TLL1: variants seen among roughly 807,000 people sequenced by gnomAD.
TLL1 encodes tolloid like 1.
In TLL1, 49 loss-of-function variants were observed where a neutral mutation model predicts 128.2. The observed-to-expected ratio is 0.38, with a 90% CI of 0.30 to 0.48. TLL1 has a LOEUF of 0.48. Among genes scored for constraint, TLL1 ranks in the 20% least tolerant of loss-of-function variants. The pLI is 0.96. For missense variants in TLL1, 1,123 were observed against 1,242.0 expected (o/e 0.90, Z 1.44); for synonymous variants, 454 against 418.8 (o/e 1.08, Z -1.03).
intron 18 of TLL1, among the ~76,000 whole-genome samples, chr4:166,079,330 CATATT>C (rs1741182799): frequency 6.6e-6 from 1 of 152,206 alleles, no homozygotes; most frequent in East Asian, 1.9e-4. Flanking sequence ...TTTTGGGTAT[CATATT>C]CTTTCTGAAG....
chr4:166,022,898 G>C (rs897778116), intron 8 of TLL1, among the ~76,000 whole-genome samples: 15 of 152,094 alleles, frequency 9.9e-5, no homozygotes, highest in Non-Finnish European at 1.8e-4. Context: ...ACATTGGTAT[G>C]CTTCTTTATA....
rs1238093979 is a variant in TLL1, at chr4:166,103,933, GACTTA to G, written c.*3064_*3068del. ...AACTGTATTTTATTAAGGAGATCGT[GACTTA>G]ACTTAAATGGACAAAATAACTTTTT... is the stretch of plus-strand genomic sequence containing the variant. On this transcript the variant is annotated 3_prime_UTR_variant, in exon 21 of 21. Coordinates refer to ENST00000061240, the MANE Select transcript of TLL1 (RefSeq NM_012464.5). The G allele has an allele frequency of 3.3e-5, 5 of 151,510 alleles. No homozygotes were observed. The highest frequency in any genetic ancestry group is 4.2e-4 in the South Asian group (2 of 4,818). 9.4% of individuals were successfully genotyped at this position (151,510 alleles called of 1,614,324 possible). A position where few individuals can be genotyped will look rare whatever the true frequency, so the allele number is the denominator to read the frequency against.
rs1181718258 is a variant in TLL1 at position 166,060,071 on chromosome 4, C to T, written c.1890C>T (p.Thr630=). 6 of 1,613,718 alleles carry T rather than the reference C, an allele frequency of 3.7e-6. No homozygotes were observed. Among genetic ancestry groups the T allele is most frequent in the Non-Finnish European group, 5.1e-6 (6 of 1,179,874 alleles). Residue 630 remains threonine, a synonymous_variant, in exon 15 of 21, where the codon ACC becomes ACT. Coordinates refer to ENST00000061240, the MANE Select transcript of TLL1 (RefSeq NM_012464.5). ...GLLTKLNGTI[T]TPGWPKEYPP... is the part of the protein sequence containing the mutation. ...TTACCAAACTTAACGGCACCATAAC[C>T]ACCCCTGGCTGGCCCAAGGAGTACC...
At chr4:165,958,803 T>C (rs1278677101) in intron 1 of TLL1, among the ~76,000 whole-genome samples, 27 of 148,722 alleles carry the variant, frequency 1.8e-4, no homozygotes, top group African/African-American at 6.5e-4. Flanking sequence ...ATGTCCTGAA[T>C]GGTAATGCCT....
intron 16 of TLL1, among the ~76,000 whole-genome samples, chr4:166,071,047 C>A (rs1319936482): frequency 6.6e-6 from 1 of 151,754 alleles, no homozygotes; most frequent in Non-Finnish European, 1.5e-5. Flanking sequence ...CGATTATTTA[C>A]TGGATAGTTT....
chr4:166,073,072 A>C (rs536562369), intron 16 of TLL1, among the ~76,000 whole-genome samples: 13 of 152,292 alleles, frequency 8.5e-5, no homozygotes, highest in African/African-American at 3.1e-4. Flanking sequence ...TGTCTATTTC[A>C]GAATAATTCT....
rs73860889 is a variant in TLL1 at position 165,927,554 on chromosome 4, G to C, written c.169+53481G>C. ...TTCTATGCTTAATATGAGAGTATTG[G>C]TTTGAAGCCAGTGTGCCATACATGC... On this transcript the variant is annotated intron_variant, in intron 1 of 20. Transcript: ENST00000061240. 2.8e-3 allele frequency among the ~76,000 whole-genome samples: 427 copies of C among 152,280 alleles called. 4 individuals carry two copies. Among genetic ancestry groups the C allele is most frequent in the African/African-American group, 9.6e-3 (399 of 41,560 alleles).
intron 9 of TLL1, among the ~76,000 whole-genome samples, chr4:166,029,420 G>T (rs1738652234): frequency 6.6e-6 from 1 of 151,726 alleles, no homozygotes; most frequent in Admixed American, 6.6e-5. Flanking sequence ...AGACACTATT[G>T]TCTTTTGCAC....
intron 1 of TLL1, among the ~76,000 whole-genome samples, chr4:165,957,194 G>C (rs899539618): frequency 2.6e-5 from 4 of 152,024 alleles, no homozygotes; most frequent in African/African-American, 9.7e-5. Flanking sequence ...AAAAGAGCAG[G>C]GGTTGTTGTT....
intron 17 of TLL1, among the ~76,000 whole-genome samples, chr4:166,076,224 C>A (rs1224245425): frequency 6.6e-6 from 1 of 152,192 alleles, no homozygotes; most frequent in African/African-American, 2.4e-5. Context: ...AGGTGCACAC[C>A]ACCATGCCTG....
intron 1 of TLL1, among the ~76,000 whole-genome samples, chr4:165,959,897 C>CTCAAATTAATGA (rs1735010842): frequency 6.6e-6 from 1 of 151,994 alleles, no homozygotes. Context: ...TTAGAAATAT[C>CTCAAATTAATGA]TCAAATTAAT....
intron 1 of TLL1, among the ~76,000 whole-genome samples, chr4:165,895,170 A>T (rs1159744821): frequency 6.6e-6 from 1 of 152,172 alleles, no homozygotes; most frequent in Non-Finnish European, 1.5e-5. Flanking sequence ...TAAGCCAAGA[A>T]TAAGAAATCA....
chr4:165,892,147 A>G (rs1383572185), intron 1 of TLL1, among the ~76,000 whole-genome samples: 1 of 152,224 alleles, frequency 6.6e-6, no homozygotes, highest in African/African-American at 2.4e-5. Context: ...ATGGGAACTC[A>G]TTATCATGAA....
At chr4:166,040,680 T>C (rs1739198676) in intron 10 of TLL1, among the ~76,000 whole-genome samples, 1 of 152,220 alleles carries the variant, frequency 6.6e-6, no homozygotes, top group African/African-American at 2.4e-5. Context: ...TGGCTCTCAC[T>C]CTATATCCTC....
At chr4:166,022,908 A>C (rs929329700) in intron 8 of TLL1, among the ~76,000 whole-genome samples, 5 of 152,200 alleles carry the variant, frequency 3.3e-5, no homozygotes, top group African/African-American at 1.2e-4. Context: ...GCTTCTTTAT[A>C]TTAATAATTC....
rs7680551 is a variant in TLL1 at position 165,907,516 on chromosome 4, A to C, written c.169+33443A>C. ...CACAGTAAGTATACAGATTAGTTTA[A>C]TAAAACGTAGAGTAAGATTAATTTA... On this transcript the variant is annotated intron_variant, in intron 1 of 20. Coordinates refer to ENST00000061240, the MANE Select transcript of TLL1 (RefSeq NM_012464.5). Among the ~76,000 whole-genome samples, 449 of 152,252 alleles carry C rather than the reference A, an allele frequency of 2.9e-3. 2 individuals are homozygous for C. The highest frequency in any genetic ancestry group is 9.1e-3 in the African/African-American group (377 of 41,544).
chr4:165,975,304 A>C (rs1364316808), intron 1 of TLL1, among the ~76,000 whole-genome samples: 2 of 151,516 alleles, frequency 1.3e-5, no homozygotes, highest in African/African-American at 4.9e-5. Flanking sequence ...CATGGAAAAA[A>C]CTCTAGTAGT....
In TLL1 at chr4:165,923,421, C is replaced by CTTTTTTTTT. The variant is rs758162016; in HGVS notation, c.169+49365_169+49373dup. On this transcript the variant is annotated intron_variant, in intron 1 of 20. Coordinates refer to ENST00000061240, the MANE Select transcript of TLL1 (RefSeq NM_012464.5). ...AAGTGCATCGGAAATATAGGTATAC[C>CTTTTTTTTT]TTTTTTTTTTTTTTTTTTTTTTTTT... is the stretch of plus-strand genomic sequence containing the variant. Among the ~76,000 whole-genome samples the CTTTTTTTTT allele has an allele frequency of 3.0e-3, 215 of 70,840 alleles. 38 individuals carry two copies. Among genetic ancestry groups the CTTTTTTTTT allele is most frequent in the South Asian group, 0.027 (29 of 1,088 alleles). 46.5% of individuals were successfully genotyped at this position (70,840 alleles called of 152,430 possible). A position where few individuals can be genotyped will look rare whatever the true frequency, so the allele number is the denominator to read the frequency against.
chr4:165,979,481 G>T (rs897131356), intron 1 of TLL1, among the ~76,000 whole-genome samples: 2 of 151,988 alleles, frequency 1.3e-5, no homozygotes, highest in African/African-American at 4.8e-5. Context: ...CTTTTCCACA[G>T]ATACATATGA....
Sources: gnomAD v4.1 joint callset for allele counts (sites outside exome capture counted in the v4.1 genomes callset) on GRCh38, gnomAD v4.1.1 for gene constraint, MANE v1.5 for transcripts, NCBI Gene and HGNC (gene_info 2026-07-23, HGNC 2026-07-21) for gene names.